The following ARHGAP10 variants were observed in gnomAD, a reference collection of about 807,000 sequenced individuals.
ARHGAP10 encodes the protein Rho GTPase activating protein 10, also known as rho GTPase-activating protein 10.
A neutral mutation model predicts 108.6 loss-of-function variants in ARHGAP10; 87 were observed. That is an observed-to-expected ratio of 0.80 (90% CI 0.67 to 0.96). The LOEUF (loss-of-function observed/expected upper bound fraction) is 0.96, where lower values mean the gene tolerates loss of function less well. ARHGAP10 is among the 40% of genes least tolerant of loss of function. The pLI is 0.00. For missense variants in ARHGAP10, 939 were observed against 954.5 expected, an observed-to-expected ratio of 0.98 and a Z score of 0.21; for synonymous variants, 347 against 341.1, an observed-to-expected ratio of 1.02 and a Z score of -0.19.
intron 1 of ARHGAP10, among the ~76,000 whole-genome samples, chr4:147,787,456 G>T (rs1396140292): frequency 3.3e-5 from 5 of 149,694 alleles, no homozygotes; most frequent in Admixed American, 2.0e-4. Context: ...TGGAAGCGGT[G>T]GGGGAGGAGG....
At chr4:148,066,555 C>T (rs1032333426) in intron 22 of ARHGAP10, among the ~76,000 whole-genome samples, 1 of 152,242 alleles carries the variant, frequency 6.6e-6, no homozygotes, top group Non-Finnish European at 1.5e-5. Flanking sequence ...TGCGTGTACA[C>T]ACGTACACAT....
chr4:147,836,102 A>G (rs1413837558), intron 3 of ARHGAP10, among the ~76,000 whole-genome samples: 1 of 152,226 alleles, frequency 6.6e-6, no homozygotes, highest in Admixed American at 6.5e-5. Context: ...AATTTCTGCT[A>G]TCTTTTTTCA....
chr4:148,019,561 C>A (rs923620307), intron 18 of ARHGAP10, among the ~76,000 whole-genome samples: 1 of 152,038 alleles, frequency 6.6e-6, no homozygotes, highest in African/African-American at 2.4e-5. Flanking sequence ...ACCAGCCTAA[C>A]CAACATGGTG....
At chr4:147,989,005 G>A (rs577125987) in intron 18 of ARHGAP10, among the ~76,000 whole-genome samples, 3 of 152,286 alleles carry the variant, frequency 2.0e-5, no homozygotes, top group Non-Finnish European at 2.9e-5. Context: ...GACCTGCCCC[G>A]ATAATCACGT....
intron 10 of ARHGAP10, among the ~76,000 whole-genome samples, chr4:147,895,812 A>G (rs914675845): frequency 6.6e-6 from 1 of 152,156 alleles, no homozygotes; most frequent in African/African-American, 2.4e-5. Flanking sequence ...GTTATTGGCC[A>G]TCTTGCCTTG....
At position 147,842,813 on chromosome 4, in the gene ARHGAP10, G is replaced by A. The variant is rs567737015; in HGVS notation, c.313-4338G>A. Among the ~76,000 whole-genome samples, 45 of 152,218 alleles carry A rather than the reference G, an allele frequency of 3.0e-4. 1 individual carries two copies. In the South Asian group the frequency reaches 7.1e-3, roughly 24 times the overall value. ...GTGTTCACATCTCTTAGAAACACTC[G>A]CCTGGGATGAACTCAGCCACCCACC... is the stretch of plus-strand genomic sequence containing the variant. On this transcript the variant is annotated intron_variant, in intron 3 of 22. Transcript: ENST00000336498.
chr4:148,014,435 A>T (rs932739670), intron 18 of ARHGAP10, among the ~76,000 whole-genome samples: 2 of 152,226 alleles, frequency 1.3e-5, no homozygotes, highest in Admixed American at 1.3e-4. Context: ...ATAATTGGGG[A>T]TATATGTTCA....
chr4:147,872,086 AGT>A (rs1734845590), intron 7 of ARHGAP10, among the ~76,000 whole-genome samples: 1 of 135,700 alleles, frequency 7.4e-6, no homozygotes, highest in South Asian at 2.3e-4. Flanking sequence ...TGACCAACAG[AGT>A]GAGACTCGGT....
At chr4:148,048,040 C>A (rs1277840018) in intron 20 of ARHGAP10, among the ~76,000 whole-genome samples, 1 of 152,298 alleles carries the variant, frequency 6.6e-6, no homozygotes, top group East Asian at 1.9e-4. Flanking sequence ...CCAGGCTGGT[C>A]TCAGACTCCT....
At chr4:148,037,625 A>G (rs1469596626) in intron 19 of ARHGAP10, among the ~76,000 whole-genome samples, 1 of 152,188 alleles carries the variant, frequency 6.6e-6, no homozygotes, top group East Asian at 1.9e-4. Flanking sequence ...TCATGAGGTC[A>G]GGAGATTGAG....
chr4:147,739,710 A>G (rs543973726), intron 1 of ARHGAP10, among the ~76,000 whole-genome samples: 34 of 151,696 alleles, frequency 2.2e-4, no homozygotes, highest in African/African-American at 6.3e-4. Context: ...TGTGACTTCA[A>G]TAGCTGTTTG....
chr4:147,854,369 CCTT>C (rs1734004351), intron 4 of ARHGAP10, among the ~76,000 whole-genome samples: 1 of 152,176 alleles, frequency 6.6e-6, no homozygotes, highest in Non-Finnish European at 1.5e-5. Context: ...GTAATGGCTG[CCTT>C]CTTCTCTGGA....
At chr4:147,793,164 A>ATG (rs773691850) in intron 1 of ARHGAP10, among the ~76,000 whole-genome samples, 57 of 144,334 alleles carry the variant, frequency 3.9e-4, no homozygotes, top group Middle Eastern at 3.5e-3. Flanking sequence ...GTGTGTATGT[A>ATG]TGTGTGTGTG....
chr4:147,898,387 A>T (rs1414279791), intron 10 of ARHGAP10, among the ~76,000 whole-genome samples: 1 of 151,748 alleles, frequency 6.6e-6, no homozygotes, highest in Non-Finnish European at 1.5e-5. Flanking sequence ...TTTTCTTATC[A>T]GTCTCTCCTC....
chr4:148,035,274 A>G (rs1728325774), intron 19 of ARHGAP10, among the ~76,000 whole-genome samples: 1 of 152,238 alleles, frequency 6.6e-6, no homozygotes. Context: ...CAGAAAATAA[A>G]ATGTACTTAT....
chr4:147,913,548 C>T (rs983843977), intron 13 of ARHGAP10, among the ~76,000 whole-genome samples: 48 of 152,234 alleles, frequency 3.2e-4, no homozygotes, highest in African/African-American at 1.0e-3. Context: ...CCCGCTTTGT[C>T]CTTAGAATGC....
intron 6 of ARHGAP10, chr4:147,866,268 C>T (rs1340962656): frequency 6.5e-6 from 1 of 153,414 alleles, no homozygotes; most frequent in African/African-American, 2.4e-5. Flanking sequence ...CCTGGCAAGT[C>T]ATGGAATATC....
intron 1 of ARHGAP10, among the ~76,000 whole-genome samples, chr4:147,773,681 G>A (rs1730168721): frequency 6.6e-6 from 1 of 152,124 alleles, no homozygotes; most frequent in African/African-American, 2.4e-5. Flanking sequence ...GTGTTAAAAA[G>A]CATGCACTCT....
chr4:147,766,459 A>G (rs6845560), intron 1 of ARHGAP10, among the ~76,000 whole-genome samples: 113,122 of 151,628 alleles, frequency 0.75, 48,136 homozygotes, highest in Non-Finnish European at 0.93. Context: ...GTAAGCAACC[A>G]TCAGTTTTTT....
Sources: allele counts gnomAD v4.1 joint callset (sites outside exome capture counted in the v4.1 genomes callset), GRCh38; gene constraint gnomAD v4.1.1; transcripts MANE v1.5; gene names NCBI Gene and HGNC (gene_info 2026-07-23, HGNC 2026-07-21).